Variants in RBFOX1 observed in about 807,000 individuals in gnomAD.
RBFOX1 encodes RNA binding fox-1 homolog 1, also known as RNA binding protein fox-1 homolog 1.
Under a neutral mutation model 57.7 loss-of-function variants are expected in RBFOX1, and 8 were observed. The observed-to-expected ratio is 0.14, with a 90% CI of 0.08 to 0.25. RBFOX1 has a LOEUF of 0.25. RBFOX1 is among the 10% of genes least tolerant of loss of function. The pLI is 1.00. For synonymous variants in RBFOX1, 326 were observed against 222.4 expected, an observed-to-expected ratio of 1.47 and a Z score of -4.15; for missense variants, 611 against 548.5, an observed-to-expected ratio of 1.11 and a Z score of -1.14.
chr16:7,261,618 C>G (rs913837878), intron 4 of RBFOX1, among the ~76,000 whole-genome samples: 1 of 152,172 alleles, frequency 6.6e-6, no homozygotes, highest in African/African-American at 2.4e-5. Flanking sequence ...GAATGAGGCT[C>G]AGGAACTCAG....
At chr16:5,911,437 C>G (rs756604282) in intron 4 of RBFOX1, among the ~76,000 whole-genome samples, 19 of 152,314 alleles carry the variant, frequency 1.2e-4, no homozygotes, top group Middle Eastern at 6.8e-3. Flanking sequence ...GGGCACCATC[C>G]TAGCATTTCA....
intron 4 of RBFOX1, among the ~76,000 whole-genome samples, chr16:7,208,777 C>G (rs143898828): frequency 1.3e-5 from 2 of 152,114 alleles, no homozygotes; most frequent in Non-Finnish European, 2.9e-5. Context: ...TTTGAGGCTA[C>G]AGTGAGCTGT....
chr16:6,350,556 G>A (rs970781722), intron 2 of RBFOX1, among the ~76,000 whole-genome samples: 4 of 147,388 alleles, frequency 2.7e-5, no homozygotes, highest in South Asian at 2.2e-4. Flanking sequence ...ACTAGTTTTA[G>A]GGAATGTTTA....
chr16:5,856,704 C>T (rs955713251), intron 3 of RBFOX1, among the ~76,000 whole-genome samples: 9 of 150,470 alleles, frequency 6.0e-5, no homozygotes, highest in African/African-American at 2.0e-4. Flanking sequence ...TCTTAAACCT[C>T]ATGAGCCAGG....
intron 1 of RBFOX1, among the ~76,000 whole-genome samples, chr16:5,407,116 C>T (rs1436464573): frequency 6.6e-6 from 1 of 152,148 alleles, no homozygotes; most frequent in East Asian, 1.9e-4. Context: ...GAAGCAGGCA[C>T]ATCTTTCTTG....
chr16:6,995,228 C>T lies in RBFOX1; in HGVS notation c.-15-56829C>T, dbSNP rs562409003. 8.7e-5 allele frequency among the ~76,000 whole-genome samples: 13 copies of T among 148,804 alleles called. No individual in the cohort carries two copies. In the East Asian group the frequency reaches 2.5e-3, roughly 28 times the overall value. On this transcript the variant is annotated intron_variant, in intron 3 of 15. Transcript: ENST00000550418. ...ATGTAATGTGATCAATTAATTAGAG[C>T]ATATGATTTACATTAGTCAAACCTG...
intron 1 of RBFOX1, among the ~76,000 whole-genome samples, chr16:6,282,331 C>G (rs1042881288): frequency 1.4e-5 from 2 of 147,972 alleles, no homozygotes; most frequent in African/African-American, 5.0e-5. Flanking sequence ...GCTTCAGGGC[C>G]TTCTCATTCC....
Position 6,884,205 on chromosome 16 carries a change from T to C in RBFOX1, c.-15-167852T>C, listed in dbSNP as rs994979279. Reference sequence around the variant, plus strand: ...CTCACAGGGCATGCTTCCTGGCTCATGTGCAGTCAGCCATGCTGCAGAGGC... The same window carrying C: ...CTCACAGGGCATGCTTCCTGGCTCACGTGCAGTCAGCCATGCTGCAGAGGC... On this transcript the variant is annotated intron_variant, in intron 3 of 15. Coordinates refer to ENST00000550418, the MANE Select transcript of RBFOX1 (RefSeq NM_018723.4). 3.3e-5 allele frequency among the ~76,000 whole-genome samples: 5 copies of C among 152,152 alleles called. No individual in the cohort carries two copies. In the East Asian group the frequency reaches 9.6e-4, roughly 29 times the overall value.
chr16:6,876,261 A>G (rs535388751), intron 3 of RBFOX1, among the ~76,000 whole-genome samples: 55 of 152,264 alleles, frequency 3.6e-4, no homozygotes, highest in African/African-American at 1.3e-3. Context: ...CAGTCTTTCT[A>G]TTCTTGGGAA....
chr16:6,876,379 C>T (rs1329167291), intron 3 of RBFOX1, among the ~76,000 whole-genome samples: 1 of 151,874 alleles, frequency 6.6e-6, no homozygotes, highest in Non-Finnish European at 1.5e-5. Flanking sequence ...ACCATCCAAC[C>T]CCTGAAATGA....
chr16:6,823,967 A>T lies in RBFOX1; in HGVS notation c.-16+169317A>T, dbSNP rs2091751937. On this transcript the variant is annotated intron_variant, in intron 3 of 15. Transcript: ENST00000550418. ...TCCTGGAAGAGGTGGCATCTGGTCC[A>T]AATCTTGAAGGATGGGTATGAGCTG... Among the ~76,000 whole-genome samples, 3 of 152,200 alleles carry T rather than the reference A, an allele frequency of 2.0e-5. No homozygotes were observed. The South Asian group carries it at 6.2e-4, about 31-fold the overall frequency.
intron 5 of RBFOX1, among the ~76,000 whole-genome samples, chr16:7,541,117 G>A (rs534422082): frequency 5.0e-4 from 76 of 152,236 alleles, no homozygotes; most frequent in Admixed American, 2.5e-3. Context: ...GCTGCTTTTC[G>A]CCCCTGACTG....
chr16:5,315,863 C>A (rs117403431), intron 1 of RBFOX1, among the ~76,000 whole-genome samples: 163 of 152,244 alleles, frequency 1.1e-3, no homozygotes, highest in Non-Finnish European at 1.2e-3. Flanking sequence ...CCTGTAGACG[C>A]ACCCTGATGC....
At chr16:6,854,587 A>ATTTTTTTTTTTTTTTTGTTTTTTT (rs2057452587) in intron 3 of RBFOX1, among the ~76,000 whole-genome samples, 1 of 70,650 alleles carries the variant, frequency 1.4e-5, no homozygotes, top group Non-Finnish European at 2.6e-5. Context: ...GGAGAGGTGA[A>ATTTTTTTTTTTTTTTTGTTTTTTT]TTTTTTTTTT....
chr16:5,788,283 A>G lies in RBFOX1; in HGVS notation c.319-79020A>G, dbSNP rs1359475412. Among the ~76,000 whole-genome samples, 5 of 152,162 alleles carry G rather than the reference A, an allele frequency of 3.3e-5. No individual in the cohort carries two copies. In the East Asian group the frequency reaches 9.6e-4, roughly 29 times the overall value. ...ATTTAGAACCTCATTTTTAAATTGT[A>G]TTAACTGCTGTCCTTATTGGAGACA... On this transcript the variant is annotated intron_variant, in intron 3 of 19. Transcript: ENST00000641259.
Position 5,606,393 on chromosome 16 carries a change from C to T in RBFOX1, c.318+7432C>T, listed in dbSNP as rs188480138. Among the ~76,000 whole-genome samples, 4 of 152,154 alleles carry T rather than the reference C, an allele frequency of 2.6e-5. No individual in the cohort carries two copies. In the East Asian group the frequency reaches 7.8e-4, roughly 30 times the overall value. ...ATCAGAAAAGCCTTGTTCAGAGATT[C>T]TTCCTAAGTCACTCTGGTTGTGTTG... is the stretch of plus-strand genomic sequence containing the variant. On this transcript the variant is annotated intron_variant, in intron 3 of 19. Coordinates refer to the RBFOX1 transcript ENST00000641259.
At chr16:6,728,670 T>C (rs1009143204) in intron 3 of RBFOX1, among the ~76,000 whole-genome samples, 5 of 152,152 alleles carry the variant, frequency 3.3e-5, no homozygotes, top group African/African-American at 1.2e-4. Flanking sequence ...ATAATTCAAA[T>C]AGCAATAAAA....
rs550887336 is a variant in RBFOX1, at chr16:5,343,988, T to C, written c.219+103883T>C. ...ATGTAACCAAGAGACTAGACTTTCT[T>C]TGGGTCTGAGCTGGGGTGTTCTGCT... On this transcript the variant is annotated intron_variant, in intron 1 of 2. Coordinates refer to the RBFOX1 transcript ENST00000585867. Among the ~76,000 whole-genome samples the C allele has an allele frequency of 1.5e-4, 23 of 152,336 alleles. No homozygotes were observed. The South Asian group carries it at 3.5e-3, about 23-fold the overall frequency.
chr16:5,555,618 A>G (rs993576379), intron 2 of RBFOX1, among the ~76,000 whole-genome samples: 3 of 152,174 alleles, frequency 2.0e-5, no homozygotes, highest in African/African-American at 7.2e-5. Flanking sequence ...AGAGACCGTG[A>G]AAGTTACCAT....
Sources: gnomAD v4.1 joint callset for allele counts (sites outside exome capture counted in the v4.1 genomes callset) on GRCh38, gnomAD v4.1.1 for gene constraint, MANE v1.5 for transcripts, NCBI Gene and HGNC (gene_info 2026-07-23, HGNC 2026-07-21) for gene names.